Variants in RTTN observed in about 807,000 individuals in gnomAD.
RTTN encodes the protein rotatin.
RTTN carries 182 observed loss-of-function variants against 269.2 expected under a neutral mutation model. The observed-to-expected ratio is 0.68, with a 90% confidence interval of 0.60 to 0.76. The LOEUF is 0.76. Among genes scored for constraint, RTTN ranks in the 30% least tolerant of loss-of-function variants. The pLI, the probability that RTTN is intolerant of heterozygous loss-of-function variation, is 0.00. For missense variants in RTTN, 2,545 were observed against 2,608.6 expected (o/e 0.98, Z 0.53); for synonymous variants, 1,006 against 963.5 (o/e 1.04, Z -0.82).
Position 70,167,001 on chromosome 18 carries a change from G to C in RTTN, c.1720C>G (p.Leu574Val). ...GEKNLLELVE[L>V]ADQALRSFSY... ...AAGCTACGCAAGGCTTGGTCTGCCA[G>C]CTCCACTAATTCTAAGAGATTCTTC... Residue 574 changes from leucine to valine, a missense_variant, in exon 13 of 49, where the codon CTG becomes GTG. Leu to Val is a conservative substitution (Grantham distance 32, BLOSUM62 1). Transcript: ENST00000640769. 6.2e-7 allele frequency: 1 copy of C among 1,613,168 alleles called. No individual in the cohort carries two copies. The highest frequency in any genetic ancestry group is 8.5e-7 in the Non-Finnish European group (1 of 1,179,278).
intron 32 of RTTN, among the ~76,000 whole-genome samples, chr18:70,084,402 G>A (rs965500653): frequency 1.3e-5 from 2 of 152,226 alleles, no homozygotes; most frequent in Admixed American, 6.5e-5. Flanking sequence ...AAGACTGTTT[G>A]AATTTTAAAA....
At chr18:70,073,633 T>C (rs1029531787) in intron 34 of RTTN, among the ~76,000 whole-genome samples, 5 of 152,272 alleles carry the variant, frequency 3.3e-5, no homozygotes, top group Non-Finnish European at 7.4e-5. Flanking sequence ...CACACCCTGG[T>C]TCAAACTCCA....
chr18:70,173,416 C>A (rs917204392), intron 11 of RTTN, among the ~76,000 whole-genome samples: 14 of 150,924 alleles, frequency 9.3e-5, no homozygotes, highest in African/African-American at 3.2e-4. Context: ...TGGCTTGAAC[C>A]CAGGAGGCGG....
chr18:70,125,949 A>G (rs1383000466), intron 25 of RTTN, among the ~76,000 whole-genome samples: 2 of 152,062 alleles, frequency 1.3e-5, no homozygotes, highest in Non-Finnish European at 2.9e-5. Context: ...ATACAGCAGA[A>G]ATACATGAAT....
In RTTN at chr18:70,168,936, G is replaced by T. The variant is rs368650190; in HGVS notation, c.1608C>A (p.Asn536Lys). The T allele has an allele frequency of 8.1e-6, 13 of 1,613,310 alleles. No homozygotes were observed. The African/African-American group carries it at 1.6e-4, about 20-fold the overall frequency. ...VAYLEQLNSE[N>K]YSIYKRTAEA... ...CTGCAGTTCGTTTATAAATACTGTA[G>T]TTTTCAGAATTCAGCTGTTCCAAAT... The change falls in exon 12 of 49, where the codon AAC becomes AAA. Residue 536 changes from asparagine to lysine, a missense_variant. Physicochemically the swap from Asn to Lys is moderately conservative, Grantham distance 94. Coordinates refer to ENST00000640769, the MANE Select transcript of RTTN (RefSeq NM_173630.4).
At chr18:70,063,730 T>G (rs1237242978) in intron 35 of RTTN, among the ~76,000 whole-genome samples, 1 of 152,178 alleles carries the variant, frequency 6.6e-6, no homozygotes, top group Non-Finnish European at 1.5e-5. Flanking sequence ...AGAAACCTTT[T>G]TTGAATTTTT....
intron 7 of RTTN, among the ~76,000 whole-genome samples, chr18:70,195,423 C>T (rs536137655): frequency 3.3e-4 from 50 of 152,352 alleles, no homozygotes; most frequent in Admixed American, 4.6e-4. Flanking sequence ...TTGTTTATCA[C>T]CTGTCCCCAG....
In RTTN at chr18:70,037,897, C is replaced by T. The variant is rs181893371; in HGVS notation, c.5542-6916G>A. On this transcript the variant is annotated intron_variant, in intron 40 of 48. Coordinates refer to ENST00000640769, the MANE Select transcript of RTTN (RefSeq NM_173630.4). Reference sequence around the variant, plus strand: ...GGAACTGATTGTCCTGAAGGGTGAGCCCCAGGTCTGGCAACATTCGTCACA... The same window carrying T: ...GGAACTGATTGTCCTGAAGGGTGAGTCCCAGGTCTGGCAACATTCGTCACA... Among the ~76,000 whole-genome samples the T allele has an allele frequency of 3.6e-3, 550 of 152,224 alleles. 6 individuals carry two copies. The highest frequency in any genetic ancestry group is 0.014 in the Middle Eastern group (4 of 294).
intron 28 of RTTN, among the ~76,000 whole-genome samples, chr18:70,098,397 G>A (rs1021717944): frequency 3.3e-5 from 5 of 152,084 alleles, no homozygotes; most frequent in African/African-American, 9.7e-5. Context: ...AAAACCATTC[G>A]AAAGGTCACT....
rs2061060072 is a variant in RTTN at position 70,168,835 on chromosome 18, A to G, written c.1689+20T>C. ...AATATGTCAAAGGGATTTAAAAGAG[A>G]TATTAAAAAAGCTTTTTACCTCTTT... On this transcript the variant is annotated intron_variant, in intron 12 of 48. Coordinates refer to ENST00000640769, the MANE Select transcript of RTTN (RefSeq NM_173630.4). 6.5e-7 allele frequency: 1 copy of G among 1,536,920 alleles called. No individual in the cohort carries two copies. Among genetic ancestry groups the G allele is most frequent in the Non-Finnish European group, 8.9e-7 (1 of 1,125,482 alleles).
intron 28 of RTTN, among the ~76,000 whole-genome samples, chr18:70,099,987 T>C (rs974090645): frequency 3.3e-5 from 5 of 152,264 alleles, no homozygotes; most frequent in African/African-American, 1.2e-4. Context: ...ACTGTAGCCT[T>C]GTAGTACAGT....
At chr18:70,047,059 A>G (rs17082007) in intron 40 of RTTN, among the ~76,000 whole-genome samples, 5,485 of 152,296 alleles carry the variant, frequency 0.036, 343 homozygotes, top group African/African-American at 0.13. Flanking sequence ...AAAAATCTCC[A>G]AATTCTAAGC....
intron 42 of RTTN, 121 bp from the exon 43 acceptor site, chr18:70,028,922 C>T: frequency 1.8e-6 from 1 of 543,076 alleles, no homozygotes; most frequent in South Asian, 3.2e-5. Flanking sequence ...TCATGCCCAA[C>T]CACTGTAACT....
intron 21 of RTTN, among the ~76,000 whole-genome samples, chr18:70,136,096 T>C (rs2060117588): frequency 6.6e-6 from 1 of 152,154 alleles, no homozygotes; most frequent in Non-Finnish European, 1.5e-5. Flanking sequence ...CCTTATGTAA[T>C]TGGCATGATT....
Position 70,005,225 on chromosome 18 carries a change from C to G in RTTN, c.6568G>C (p.Asp2190His). ...TTCTTTGCTAAGGAGTATGCTTCATCCACTCTTCTTTTTACTGATGGGCTT... is the reference window on the plus strand; with the variant it reads ...TTCTTTGCTAAGGAGTATGCTTCATGCACTCTTCTTTTTACTGATGGGCTT... ...LKSPSVKRRV[D>H]EAYSLAKKTF... is the part of the protein sequence containing the mutation. The change falls in exon 48 of 49, where the codon GAT becomes CAT. Residue 2190 changes from aspartate to histidine, a missense_variant. By Grantham distance (81) the Asp-to-His change is moderately conservative (BLOSUM62 -1). Coordinates refer to ENST00000640769, the MANE Select transcript of RTTN (RefSeq NM_173630.4). 1.2e-6 allele frequency: 2 copies of G among 1,612,478 alleles called. No individual in the cohort carries two copies. Among genetic ancestry groups the G allele is most frequent in the South Asian group, 2.2e-5 (2 of 90,878 alleles).
intron 46 of RTTN, among the ~76,000 whole-genome samples, chr18:70,014,561 G>A (rs1254826601): frequency 6.6e-6 from 1 of 152,278 alleles, no homozygotes; most frequent in South Asian, 2.1e-4. Flanking sequence ...TTTGCTTTCT[G>A]CTAAGTACCC....
At chr18:70,178,871 GTC>G (rs1165410872) in intron 10 of RTTN, among the ~76,000 whole-genome samples, 62 of 152,094 alleles carry the variant, frequency 4.1e-4, no homozygotes, top group African/African-American at 1.2e-3. Flanking sequence ...ATAAAAATGA[GTC>G]TGTGATCTGA....
chr18:70,043,834 G>C (rs1371868680), intron 40 of RTTN, among the ~76,000 whole-genome samples: 2 of 152,208 alleles, frequency 1.3e-5, no homozygotes, highest in Non-Finnish European at 2.9e-5. Flanking sequence ...TTTCCATACA[G>C]TACTTACTGC....
At chr18:70,006,594 A>C in intron 46 of RTTN, 110 bp from the exon 47 acceptor site, 1 of 801,188 alleles carries the variant, frequency 1.2e-6, no homozygotes, top group Non-Finnish European at 2.1e-6. Context: ...GCATACATAA[A>C]GTTGGTATCA....
Sources: gnomAD v4.1 joint callset for allele counts (sites outside exome capture counted in the v4.1 genomes callset) on GRCh38, gnomAD v4.1.1 for gene constraint, MANE v1.5 for transcripts, NCBI Gene and HGNC (gene_info 2026-07-23, HGNC 2026-07-21) for gene names.